The following ARHGAP26 variants were observed in gnomAD, a reference collection of about 807,000 sequenced individuals.
ARHGAP26 encodes the protein Rho GTPase activating protein 26.
ARHGAP26 carries 38 observed loss-of-function variants against 104.8 expected under a neutral mutation model. That is an observed-to-expected ratio of 0.36 (90% CI 0.28 to 0.48). The LOEUF is 0.48. ARHGAP26 is among the 20% of genes least tolerant of loss of function. The pLI, the probability that ARHGAP26 is intolerant of heterozygous loss-of-function variation, is 0.99. For missense variants in ARHGAP26, 704 were observed against 947.9 expected (o/e 0.74, Z 3.38); for synonymous variants, 341 against 340.0 (o/e 1.00, Z -0.03).
At chr5:142,888,866 G>T (rs1270005744) in intron 5 of ARHGAP26, among the ~76,000 whole-genome samples, 3 of 152,222 alleles carry the variant, frequency 2.0e-5, no homozygotes, top group African/African-American at 7.2e-5. Flanking sequence ...CAATCTAGGA[G>T]GAAGTCTCTT....
At chr5:143,052,426 C>T (rs1389064979) in intron 14 of ARHGAP26, among the ~76,000 whole-genome samples, 7 of 151,270 alleles carry the variant, frequency 4.6e-5, no homozygotes, top group African/African-American at 7.3e-5. Context: ...GCCAAGACTG[C>T]GCCACTGCAC....
chr5:142,860,179 C>T (rs1438143462), intron 1 of ARHGAP26: 2 of 152,132 alleles, frequency 1.3e-5, no homozygotes, highest in Non-Finnish European at 2.9e-5. Flanking sequence ...AACACAAGTT[C>T]AAAGATAAAA....
intron 19 of ARHGAP26, among the ~76,000 whole-genome samples, chr5:143,141,108 G>A (rs35421636): frequency 0.047 from 7,185 of 152,280 alleles, 229 homozygotes; most frequent in African/African-American, 0.086. Context: ...GTTGTCACAC[G>A]GGCTGCAGAA....
intron 1 of ARHGAP26, among the ~76,000 whole-genome samples, chr5:142,862,545 A>G (rs1379397807): frequency 1.3e-5 from 2 of 152,246 alleles, no homozygotes; most frequent in African/African-American, 4.8e-5. Context: ...GCATAGAACA[A>G]GGATAAAATG....
intron 3 of ARHGAP26, among the ~76,000 whole-genome samples, chr5:142,878,771 G>A (rs566334567): frequency 7.9e-5 from 12 of 152,256 alleles, no homozygotes; most frequent in African/African-American, 1.9e-4. Flanking sequence ...AGTTTGGTGC[G>A]TTTGAGGTGC....
chr5:143,004,293 C>T (rs1777634640), intron 11 of ARHGAP26, among the ~76,000 whole-genome samples: 1 of 152,142 alleles, frequency 6.6e-6, no homozygotes, highest in Admixed American at 6.5e-5. Flanking sequence ...TGGAGTCCTT[C>T]TCAGGCCATA....
chr5:142,861,931 C>A (rs1489246587), intron 1 of ARHGAP26, among the ~76,000 whole-genome samples: 5 of 152,196 alleles, frequency 3.3e-5, no homozygotes, highest in Admixed American at 2.0e-4. Context: ...CTCTTGATTG[C>A]CCTCAAATTC....
chr5:143,207,352 C>T, intron 21 of ARHGAP26, 44 bp downstream of exon 21: 1 of 1,614,184 alleles, frequency 6.2e-7, no homozygotes. Flanking sequence ...TGCCGTTGTT[C>T]TCTCATTGGC....
At chr5:143,157,573 A>G (rs1274893673) in intron 20 of ARHGAP26, among the ~76,000 whole-genome samples, 6 of 152,206 alleles carry the variant, frequency 3.9e-5, no homozygotes, top group Non-Finnish European at 8.8e-5. Context: ...TACGTTGACC[A>G]TAGTACATGA....
At position 143,225,476 on chromosome 5, in the gene ARHGAP26, G is replaced by A. The variant is rs967210243; in HGVS notation, c.*3030G>A. 10 of 199,792 alleles carry A rather than the reference G, an allele frequency of 5.0e-5. No homozygotes were observed. The highest frequency in any genetic ancestry group is 1.6e-3 in the Middle Eastern group (1 of 614). The allele number at this position is 199,792 out of a possible 1,614,324, so 12.4% of individuals were successfully genotyped here. On this transcript the variant is annotated 3_prime_UTR_variant, in exon 23 of 23. Coordinates refer to ENST00000645722, the MANE Select transcript of ARHGAP26 (RefSeq NM_001135608.3). ...AGTGCTGGGATTCCAGGTGTGAGCC[G>A]CTGCGGCCGACCACATTTGATGTTT...
At chr5:143,061,725 TCAG>T (rs941011041) in intron 17 of ARHGAP26, among the ~76,000 whole-genome samples, 1 of 152,198 alleles carries the variant, frequency 6.6e-6, no homozygotes, top group Non-Finnish European at 1.5e-5. Flanking sequence ...GGTTAGTTTC[TCAG>T]CTCATGAAGG....
chr5:143,116,618 G>A (rs1795478962), intron 17 of ARHGAP26, among the ~76,000 whole-genome samples: 1 of 152,140 alleles, frequency 6.6e-6, no homozygotes, highest in Non-Finnish European at 1.5e-5. Flanking sequence ...TACAAGGGTT[G>A]GCTACTGCTA....
At chr5:142,889,617 C>G (rs1050333099) in intron 5 of ARHGAP26, among the ~76,000 whole-genome samples, 1 of 151,740 alleles carries the variant, frequency 6.6e-6, no homozygotes, top group African/African-American at 2.4e-5. Context: ...GACTCTGTCT[C>G]AAGAAAGGAA....
At chr5:142,891,001 G>C (rs1391935276) in intron 5 of ARHGAP26, among the ~76,000 whole-genome samples, 1 of 149,908 alleles carries the variant, frequency 6.7e-6, no homozygotes, top group East Asian at 1.9e-4. Context: ...GATTTCTCCT[G>C]TTTTCCCCCT....
At chr5:143,076,159 ATTTTT>A (rs368079758) in intron 17 of ARHGAP26, among the ~76,000 whole-genome samples, 3 of 109,976 alleles carry the variant, frequency 2.7e-5, no homozygotes, top group African/African-American at 3.5e-5. Context: ...GACCTGGCTA[ATTTTT>A]TTTTTTTTTT....
At chr5:143,093,926 G>A (rs943624018) in intron 17 of ARHGAP26, among the ~76,000 whole-genome samples, 1 of 152,040 alleles carries the variant, frequency 6.6e-6, no homozygotes, top group Non-Finnish European at 1.5e-5. Flanking sequence ...GGGATTACTC[G>A]CCTCTTTTTG....
At chr5:143,038,666 C>G (rs550242565) in intron 13 of ARHGAP26, among the ~76,000 whole-genome samples, 2 of 130,998 alleles carry the variant, frequency 1.5e-5, no homozygotes, top group Non-Finnish European at 3.2e-5. Context: ...AATGGAAATA[C>G]ATTTTTTGAC....
At chr5:143,120,562 G>C (rs957226878) in intron 17 of ARHGAP26, among the ~76,000 whole-genome samples, 2 of 152,136 alleles carry the variant, frequency 1.3e-5, no homozygotes, top group African/African-American at 4.8e-5. Context: ...GTTTGCAAAT[G>C]TATTAAAGCC....
At chr5:142,894,461 C>A in intron 6 of ARHGAP26, 113 bp downstream of exon 6, 2 of 927,366 alleles carry the variant, frequency 2.2e-6, no homozygotes, top group Non-Finnish European at 3.3e-6. Context: ...GCAGCCCTGA[C>A]ACTGTCCCTT....
Sources: allele counts gnomAD v4.1 joint callset (sites outside exome capture counted in the v4.1 genomes callset), GRCh38; gene constraint gnomAD v4.1.1; transcripts MANE v1.5; gene names NCBI Gene and HGNC (gene_info 2026-07-23, HGNC 2026-07-21).